Variants in FNIP1 observed in about 807,000 individuals in gnomAD.
The protein encoded by FNIP1 is folliculin-interacting protein 1.
FNIP1 carries 40 observed loss-of-function variants against 124.5 expected under a neutral mutation model. The observed-to-expected ratio is 0.32, with a 90% CI of 0.25 to 0.42. The LOEUF is 0.42. FNIP1 is among the 10% of genes least tolerant of loss of function. The pLI is 1.00. For missense variants in FNIP1, 1,176 were observed against 1,403.7 expected (o/e 0.84, Z 2.59); for synonymous variants, 472 against 470.6 (o/e 1.00, Z -0.04).
chr5:131,780,439 T>C (rs1322526095), intron 1 of FNIP1, among the ~76,000 whole-genome samples: 3 of 152,194 alleles, frequency 2.0e-5, no homozygotes, highest in Non-Finnish European at 2.9e-5. Context: ...CTCCGCTTTA[T>C]TGCACTTTGC....
At chr5:131,733,087 A>G (rs1187088664) in intron 2 of FNIP1, among the ~76,000 whole-genome samples, 1 of 152,020 alleles carries the variant, frequency 6.6e-6, no homozygotes, top group East Asian at 1.9e-4. Context: ...TTCTCTTTGA[A>G]GCAATTGTGA....
At chr5:131,667,713 C>A (rs1767643478) in intron 15 of FNIP1, among the ~76,000 whole-genome samples, 1 of 152,120 alleles carries the variant, frequency 6.6e-6, no homozygotes, top group Non-Finnish European at 1.5e-5. Flanking sequence ...CTCAGCCTCC[C>A]AAGCAGCTGG....
chr5:131,738,518 G>A (rs747275245), intron 2 of FNIP1, among the ~76,000 whole-genome samples: 11 of 151,370 alleles, frequency 7.3e-5, no homozygotes, highest in Non-Finnish European at 1.6e-4. Flanking sequence ...GCTTGAGACA[G>A]AGTCTCACTC....
At chr5:131,793,456 C>G (rs1039259075) in intron 1 of FNIP1, among the ~76,000 whole-genome samples, 15 of 152,174 alleles carry the variant, frequency 9.9e-5, no homozygotes, top group African/African-American at 3.4e-4. Flanking sequence ...CTCCCAAATT[C>G]TTGAAATGGA....
intron 1 of FNIP1, among the ~76,000 whole-genome samples, chr5:131,778,010 T>G (rs1771868098): frequency 6.6e-6 from 1 of 152,156 alleles, no homozygotes; most frequent in African/African-American, 2.4e-5. Context: ...TGACACCCCA[T>G]AAACCTACTG....
At chr5:131,688,289 TA>T (rs565453128) in intron 11 of FNIP1, among the ~76,000 whole-genome samples, 4,142 of 118,660 alleles carry the variant, frequency 0.035, 127 homozygotes, top group African/African-American at 0.093. Flanking sequence ...GAGTTTAAAA[TA>T]AAAAAAAAAA....
intron 9 of FNIP1, among the ~76,000 whole-genome samples, chr5:131,706,164 G>A (rs1246248735): frequency 6.6e-6 from 1 of 152,152 alleles, no homozygotes; most frequent in East Asian, 1.9e-4. Context: ...GAGTTGGATG[G>A]TGATGATGGT....
intron 11 of FNIP1, among the ~76,000 whole-genome samples, chr5:131,682,388 C>T (rs1768119049): frequency 6.6e-6 from 1 of 152,032 alleles, no homozygotes; most frequent in Non-Finnish European, 1.5e-5. Context: ...AACAGTGCTT[C>T]TCACTATATA....
In FNIP1 at chr5:131,683,333, G is replaced by A. The variant is rs566684501; in HGVS notation, c.1203-4158C>T. ...GGAGGCCGAGGCAGGCAGATCACGAGGTCAGGAGATTGAGACCATCCTGGC... is the reference window on the plus strand; with the variant it reads ...GGAGGCCGAGGCAGGCAGATCACGAAGTCAGGAGATTGAGACCATCCTGGC... On this transcript the variant is annotated intron_variant, in intron 11 of 17. Coordinates refer to ENST00000510461, the MANE Select transcript of FNIP1 (RefSeq NM_133372.3). 1.1e-4 allele frequency among the ~76,000 whole-genome samples: 17 copies of A among 151,874 alleles called. No homozygotes were observed. The East Asian group carries it at 1.9e-3, about 17-fold the overall frequency.
intron 2 of FNIP1, among the ~76,000 whole-genome samples, chr5:131,735,558 A>G (rs1770268221): frequency 6.7e-6 from 1 of 148,436 alleles, no homozygotes; most frequent in African/African-American, 2.5e-5. Context: ...ATATACATAT[A>G]CACATATTTA....
chr5:131,649,371 C>G (rs1202508500), intron 16 of FNIP1, among the ~76,000 whole-genome samples: 1 of 152,114 alleles, frequency 6.6e-6, no homozygotes, highest in Non-Finnish European at 1.5e-5. Flanking sequence ...TATTGAATGG[C>G]AGCTCACTGT....
chr5:131,769,536 G>A (rs576236797), intron 1 of FNIP1, among the ~76,000 whole-genome samples: 2 of 152,110 alleles, frequency 1.3e-5, no homozygotes. Flanking sequence ...GTTAATAACA[G>A]CAATGAACCA....
At chr5:131,787,575 A>C (rs1772258676) in intron 1 of FNIP1, among the ~76,000 whole-genome samples, 1 of 152,204 alleles carries the variant, frequency 6.6e-6, no homozygotes. Context: ...TCAAATCTTA[A>C]TTTCATCACT....
At chr5:131,742,548 C>T (rs1432582062) in intron 2 of FNIP1, among the ~76,000 whole-genome samples, 1 of 152,112 alleles carries the variant, frequency 6.6e-6, no homozygotes, top group African/African-American at 2.4e-5. Flanking sequence ...ATTTATAGTC[C>T]TTATTCTCTC....
intron 1 of FNIP1, among the ~76,000 whole-genome samples, chr5:131,760,218 C>A (rs181127815): frequency 6.6e-6 from 1 of 151,892 alleles, no homozygotes. Flanking sequence ...CATATGTACA[C>A]CCTGTATCTA....
chr5:131,679,620 T>G (rs1041400546), intron 11 of FNIP1, among the ~76,000 whole-genome samples: 3 of 152,258 alleles, frequency 2.0e-5, no homozygotes, highest in Admixed American at 1.3e-4. Context: ...CAACAGTTTA[T>G]CTGCATCATT....
At chr5:131,749,988 G>A (rs953180917) in intron 1 of FNIP1, among the ~76,000 whole-genome samples, 7 of 152,092 alleles carry the variant, frequency 4.6e-5, no homozygotes, top group African/African-American at 7.2e-5. Context: ...AGTGTATGTT[G>A]AATAGAAAAC....
At chr5:131,739,663 G>A (rs1279988010) in intron 2 of FNIP1, among the ~76,000 whole-genome samples, 4 of 151,590 alleles carry the variant, frequency 2.6e-5, no homozygotes, top group Non-Finnish European at 5.9e-5. Context: ...AATACAAAAC[G>A]TTAGCCGGGC....
At chr5:131,719,561 G>A (rs944938120) in intron 3 of FNIP1, 144 bp from the exon 4 acceptor site, 11 of 629,136 alleles carry the variant, frequency 1.7e-5, no homozygotes, top group South Asian at 3.2e-5. Context: ...TCTGCAACTC[G>A]ATTTTCTTCC....
Sources: gnomAD v4.1 joint callset for allele counts (sites outside exome capture counted in the v4.1 genomes callset) on GRCh38, gnomAD v4.1.1 for gene constraint, MANE v1.5 for transcripts, NCBI Gene and HGNC (gene_info 2026-07-23, HGNC 2026-07-21) for gene names.